The following SUGCT variants were observed in gnomAD, a reference collection of about 807,000 sequenced individuals.
SUGCT encodes the protein succinyl-CoA:glutarate-CoA transferase.
Under a neutral mutation model 55.0 loss-of-function variants are expected in SUGCT, and 41 were observed. That is an observed-to-expected ratio of 0.74 (90% CI 0.58 to 0.97). The LOEUF (loss-of-function observed/expected upper bound fraction) is 0.97, where lower values mean the gene tolerates loss of function less well. Ranked by LOEUF, SUGCT falls within the 50% of genes least tolerant of loss-of-function variation. The pLI, the probability that SUGCT is intolerant of heterozygous loss-of-function variation, is 0.00. For missense variants in SUGCT, 568 were observed against 547.8 expected (o/e 1.04, Z -0.37); for synonymous variants, 187 against 200.4 (o/e 0.93, Z 0.56).
chr7:40,747,061 C>A (rs1267359297), intron 12 of SUGCT, among the ~76,000 whole-genome samples: 2 of 152,134 alleles, frequency 1.3e-5, no homozygotes, highest in Admixed American at 6.5e-5. Flanking sequence ...GGAAGCTGTG[C>A]GGGGCGGGTG....
chr7:40,430,654 T>C (rs1787845031), intron 9 of SUGCT, among the ~76,000 whole-genome samples: 3 of 152,340 alleles, frequency 2.0e-5, no homozygotes, highest in African/African-American at 4.8e-5. Flanking sequence ...CTATGCAGAA[T>C]CTTTTAAGTT....
intron 9 of SUGCT, among the ~76,000 whole-genome samples, chr7:40,343,252 T>C (rs1341090225): frequency 6.6e-6 from 1 of 152,208 alleles, no homozygotes; most frequent in East Asian, 1.9e-4. Flanking sequence ...TATTAACTCA[T>C]TAACTCAAAA....
chr7:40,481,010 A>T (rs1046431212), intron 11 of SUGCT, among the ~76,000 whole-genome samples: 2 of 152,146 alleles, frequency 1.3e-5, no homozygotes, highest in Non-Finnish European at 2.9e-5. Flanking sequence ...GGGGCAGCAT[A>T]ATCAACATTT....
At chr7:40,513,374 G>A (rs1793050571) in intron 12 of SUGCT, among the ~76,000 whole-genome samples, 1 of 152,072 alleles carries the variant, frequency 6.6e-6, no homozygotes, top group African/African-American at 2.4e-5. Context: ...GATATGTGTG[G>A]GCATCTTGGG....
At chr7:40,899,408 A>G in the SUGCT span, among the ~76,000 whole-genome samples, 1 of 152,210 alleles carries the variant, frequency 6.6e-6, no homozygotes, top group South Asian at 2.1e-4. Flanking sequence ...GGCTGCGCCA[A>G]AGCCTCTTTG....
At chr7:40,290,388 A>G (rs185874377) in intron 8 of SUGCT, among the ~76,000 whole-genome samples, 59 of 152,356 alleles carry the variant, frequency 3.9e-4, no homozygotes, top group African/African-American at 1.4e-3. Flanking sequence ...CAAACCTGAG[A>G]AAAACAAGCT....
chr7:40,428,046 T>C (rs770189799), intron 9 of SUGCT, among the ~76,000 whole-genome samples: 3 of 152,172 alleles, frequency 2.0e-5, no homozygotes, highest in Non-Finnish European at 4.4e-5. Context: ...TATCTTCCTT[T>C]TGCTCCATCA....
chr7:40,655,642 C>A (rs747464730), intron 12 of SUGCT, among the ~76,000 whole-genome samples: 5 of 152,090 alleles, frequency 3.3e-5, no homozygotes, highest in Admixed American at 6.6e-5. Context: ...TACAGAGGGT[C>A]AAGATGATCA....
chr7:40,391,003 T>C (rs1337828701), intron 9 of SUGCT, among the ~76,000 whole-genome samples: 2 of 152,170 alleles, frequency 1.3e-5, no homozygotes, highest in African/African-American at 4.8e-5. Context: ...ATCTGTTCTT[T>C]GACAAACCTG....
At chr7:40,459,253 A>G (rs1400351056) in intron 11 of SUGCT, 55 bp downstream of exon 11, 1 of 1,150,614 alleles carries the variant, frequency 8.7e-7, no homozygotes, top group South Asian at 1.4e-5. Context: ...ATAAGCATTT[A>G]TCTGGTGTTT....
the SUGCT span, among the ~76,000 whole-genome samples, chr7:40,952,569 C>T: frequency 6.6e-6 from 1 of 152,112 alleles, no homozygotes; most frequent in African/African-American, 2.4e-5. Flanking sequence ...TACAATTTGG[C>T]ATGTTTTTGC....
chr7:40,340,716 A>G (rs531975779), intron 9 of SUGCT, among the ~76,000 whole-genome samples: 112 of 152,356 alleles, frequency 7.4e-4, no homozygotes, highest in African/African-American at 2.6e-3. Context: ...AAGGAATTCA[A>G]GACACAGCAC....
At chr7:40,847,497 A>T (rs2128795854) in intron 13 of SUGCT, among the ~76,000 whole-genome samples, 1 of 143,074 alleles carries the variant, frequency 7.0e-6, no homozygotes, top group Non-Finnish European at 1.5e-5. Context: ...GCTCACTGCA[A>T]CCTCCACCTT....
At chr7:40,652,731 A>G (rs1800833829) in intron 12 of SUGCT, among the ~76,000 whole-genome samples, 1 of 152,236 alleles carries the variant, frequency 6.6e-6, no homozygotes, top group Admixed American at 6.5e-5. Context: ...TTATTTTGAA[A>G]GAAAAATCTG....
intron 1 of SUGCT, among the ~76,000 whole-genome samples, chr7:40,176,713 CTGT>C (rs1384749809): frequency 6.6e-6 from 1 of 151,856 alleles, no homozygotes; most frequent in African/African-American, 2.4e-5. Context: ...TGCCTCATGC[CTGT>C]AATCCCAGCA....
Position 40,182,011 on chromosome 7 carries a change from T to G in SUGCT, c.209T>G (p.Ile70Arg), listed in dbSNP as rs900800862. 1.1e-5 allele frequency: 17 copies of G among 1,599,034 alleles called. No homozygotes were observed. Among genetic ancestry groups the G allele is most frequent in the Non-Finnish European group, 1.5e-5 (17 of 1,170,428 alleles). ...TTAGGAGATCTTGGAGCAGAAGTTA[T>G]AAAAGTGGAGAGACCAGGTAAAGCT... ...MNLGDLGAEV[I>R]KVERPGAGDD... The change falls in exon 3 of 14, where the codon ATA becomes AGA. Residue 70 changes from isoleucine (I) to arginine (R), a missense_variant. Physicochemically the swap from Ile to Arg is moderately conservative, Grantham distance 97. Transcript: ENST00000335693.
chr7:40,959,115 A>G, the SUGCT span, among the ~76,000 whole-genome samples: 1 of 152,150 alleles, frequency 6.6e-6, no homozygotes, highest in Non-Finnish European at 1.5e-5. Context: ...CCCTGCTGGG[A>G]GGTGTCTCCC....
the SUGCT span, among the ~76,000 whole-genome samples, chr7:40,929,191 G>A: frequency 1.3e-5 from 2 of 151,678 alleles, no homozygotes; most frequent in Non-Finnish European, 2.9e-5. Context: ...TTCTGTCCTT[G>A]TGATAGTTTG....
the SUGCT span, among the ~76,000 whole-genome samples, chr7:40,885,336 C>T: frequency 1.3e-5 from 2 of 152,090 alleles, no homozygotes; most frequent in African/African-American, 4.8e-5. Flanking sequence ...ATACTTTTCC[C>T]ACCACTTCTT....
Sources: allele counts gnomAD v4.1 joint callset (sites outside exome capture counted in the v4.1 genomes callset), GRCh38; gene constraint gnomAD v4.1.1; transcripts MANE v1.5; gene names NCBI Gene and HGNC (gene_info 2026-07-23, HGNC 2026-07-21).